Variants in GRAMD4 observed in about 807,000 individuals in gnomAD.
The protein encoded by GRAMD4 is GRAM domain containing 4, also known as GRAM domain-containing protein 4.
A neutral mutation model predicts 83.9 loss-of-function variants in GRAMD4; 25 were observed. The observed-to-expected ratio is 0.30, with a 90% CI of 0.22 to 0.42. The LOEUF (loss-of-function observed/expected upper bound fraction) is 0.42. GRAMD4 is among the 10% of genes least tolerant of loss of function. The pLI, the probability that GRAMD4 is intolerant of heterozygous loss-of-function variation, is 1.00. For synonymous variants in GRAMD4, 336 were observed against 320.9 expected (o/e 1.05, Z -0.50); for missense variants, 593 against 788.7 (o/e 0.75, Z 2.97).
At chr22:46,637,646 G>C (rs756248081) in intron 2 of GRAMD4, among the ~76,000 whole-genome samples, 194 bp from the exon 3 acceptor site, 1 of 152,174 alleles carries the variant, frequency 6.6e-6, no homozygotes, top group Non-Finnish European at 1.5e-5. Context: ...AGACAGACAC[G>C]GGTCTTATGC....
downstream of GRAMD4, among the ~76,000 whole-genome samples, chr22:46,680,848 A>G (rs1474948044): frequency 3.5e-5 from 3 of 85,696 alleles, no homozygotes; most frequent in African/African-American, 2.7e-4. Flanking sequence ...CCATCCATCC[A>G]TCTTTCCACC....
chr22:46,676,680 G>C lies in GRAMD4; in HGVS notation c.1632+12G>C, dbSNP rs1253023419. 1.0e-5 allele frequency: 16 copies of C among 1,547,182 alleles called. No individual in the cohort carries two copies. Among genetic ancestry groups the C allele is most frequent in the Non-Finnish European group, 1.1e-5 (13 of 1,146,724 alleles). On this transcript the variant is annotated intron_variant, in intron 18 of 18. Transcript: ENST00000406902. ...CATCCACCCAGAAAGTAGGTGCCGG[G>C]CGGGGGGCCGCCAAGGGGTTGGTGT...
Position 46,584,941 on chromosome 22 carries a change from C to T in GRAMD4, c.-50+7651C>T, listed in dbSNP as rs577064291. Among the ~76,000 whole-genome samples, 10 of 152,364 alleles carry T rather than the reference C, an allele frequency of 6.6e-5. No individual in the cohort carries two copies. In the South Asian group the frequency reaches 1.9e-3, roughly 28 times the overall value. Reference sequence around the variant, plus strand: ...AGCTCAGACAAATCTCCGACTCCATCCTGGCCAGGTCTGTCCCCTCTCTGC... The same window carrying T: ...AGCTCAGACAAATCTCCGACTCCATTCTGGCCAGGTCTGTCCCCTCTCTGC... On this transcript the variant is annotated intron_variant, in intron 1 of 1. Transcript: ENST00000431155.
At chr22:46,669,831 G>A (rs1569304226) in intron 13 of GRAMD4, among the ~76,000 whole-genome samples, 2 of 152,088 alleles carry the variant, frequency 1.3e-5, no homozygotes, top group Non-Finnish European at 2.9e-5. Flanking sequence ...TGCCCACCTC[G>A]GCCTCCCAAA....
chr22:46,649,216 T>C (rs1432442244), intron 3 of GRAMD4, among the ~76,000 whole-genome samples: 1 of 152,190 alleles, frequency 6.6e-6, no homozygotes, highest in African/African-American at 2.4e-5. Flanking sequence ...TGATTGCCCC[T>C]AGCCCACACT....
exon 1 of GRAMD4, chr22:46,577,260 GGATGAGAGTTGGCCCC>G (rs1428615229): frequency 2.0e-6 from 2 of 978,598 alleles, no homozygotes; most frequent in Non-Finnish European, 2.4e-6. Context: ...CGCGGCGGGT[GGATGAGAGTTGGCCCC>G]GATATCCGCT....
upstream of GRAMD4, among the ~76,000 whole-genome samples, chr22:46,616,734 G>A (rs1277405614): frequency 1.4e-5 from 2 of 141,804 alleles, no homozygotes; most frequent in Non-Finnish European, 1.5e-5. Context: ...AGGTTCCCCC[G>A]TGTGTGCAGG....
chr22:46,668,568 C>T, intron 11 of GRAMD4, 121 bp from the exon 12 acceptor site: 1 of 916,738 alleles, frequency 1.1e-6, no homozygotes, highest in Non-Finnish European at 1.8e-6. Flanking sequence ...AGCAGCCGGG[C>T]AGGACCACAG....
chr22:46,676,564 A>G (rs1360370000), intron 17 of GRAMD4, 36 bp from the exon 18 acceptor site: 1 of 1,538,376 alleles, frequency 6.5e-7, no homozygotes, highest in Non-Finnish European at 8.8e-7. Flanking sequence ...TGTCCCCAGG[A>G]GAGACCTGTG....
At chr22:46,669,902 C>T (rs1054200837) in intron 13 of GRAMD4, among the ~76,000 whole-genome samples, 1 of 152,146 alleles carries the variant, frequency 6.6e-6, no homozygotes, top group Non-Finnish European at 1.5e-5. Flanking sequence ...TTTGTCTTGT[C>T]TTGTTTCTTT....
chr22:46,629,419 C>G (rs2081731400), intron 2 of GRAMD4, among the ~76,000 whole-genome samples: 1 of 152,184 alleles, frequency 6.6e-6, no homozygotes, highest in Non-Finnish European at 1.5e-5. Flanking sequence ...TCGCTAAACC[C>G]TCCTCCTGGT....
At chr22:46,641,969 C>T (rs1035290952) in intron 3 of GRAMD4, among the ~76,000 whole-genome samples, 1 of 152,254 alleles carries the variant, frequency 6.6e-6, no homozygotes, top group African/African-American at 2.4e-5. Context: ...GTTGCATTCT[C>T]TTCTGAGAGC....
At position 46,614,108 on chromosome 22, in the gene GRAMD4, A is replaced by G. The variant is rs113362941; in HGVS notation, c.-49-12643A>G. ...AATACATTAACTTGCAGTTAGATCA[A>G]TTATGTTGAAAGCAAAGGCATTGAA... On this transcript the variant is annotated intron_variant, in intron 1 of 1. Transcript: ENST00000431155. 5.9e-5 allele frequency among the ~76,000 whole-genome samples: 9 copies of G among 152,344 alleles called. 1 individual carries two copies. Among genetic ancestry groups the G allele is most frequent in the African/African-American group, 2.2e-4 (9 of 41,580 alleles).
At chr22:46,588,976 G>A (rs1362560223) in intron 1 of GRAMD4, among the ~76,000 whole-genome samples, 1 of 152,172 alleles carries the variant, frequency 6.6e-6, no homozygotes, top group African/African-American at 2.4e-5. Flanking sequence ...GAGATGTCCT[G>A]TGCTGGCCCG....
At position 46,668,787 on chromosome 22, in the gene GRAMD4, G is replaced by A. The variant is rs944587462; in HGVS notation, c.975-12G>A. ...GGCGCCCGCCCGGCCTGAGCCTCCC[G>A]TCTCCTTCCAGCTTGTTCATGTGGG... is the stretch of plus-strand genomic sequence containing the variant. On this transcript the variant is annotated splice_polypyrimidine_tract_variant and intron_variant, in intron 12 of 18. Transcript: ENST00000406902. 9.4e-6 allele frequency: 15 copies of A among 1,602,028 alleles called. No homozygotes were observed. The highest frequency in any genetic ancestry group is 2.7e-5 in the African/African-American group (2 of 73,714).
At chr22:46,680,987 G>A (rs1181059210), downstream of GRAMD4, among the ~76,000 whole-genome samples, 1 of 123,806 alleles carries the variant, frequency 8.1e-6, no homozygotes, top group Non-Finnish European at 1.6e-5. Flanking sequence ...ACACAGCAGT[G>A]ATGGGCTAGG....
chr22:46,641,315 C>T (rs920293757), intron 3 of GRAMD4, among the ~76,000 whole-genome samples: 21 of 152,134 alleles, frequency 1.4e-4, no homozygotes, highest in African/African-American at 3.4e-4. Flanking sequence ...TCAGGTGATC[C>T]GCCTGTGTCA....
downstream of GRAMD4, among the ~76,000 whole-genome samples, chr22:46,680,582 C>CCACCCACCCACCCATT (rs2082657490): frequency 6.8e-6 from 1 of 147,570 alleles, no homozygotes; most frequent in African/African-American, 2.5e-5. Context: ...ATCCATCCAT[C>CCACCCACCCACCCATT]CATCCATCCA....
chr22:46,585,446 T>C (rs2081140359), intron 1 of GRAMD4, among the ~76,000 whole-genome samples: 3 of 152,160 alleles, frequency 2.0e-5, no homozygotes, highest in Admixed American at 2.0e-4. Context: ...TGCCTCCACC[T>C]CCCAAAGTGC....
Sources: allele counts gnomAD v4.1 joint callset (sites outside exome capture counted in the v4.1 genomes callset), GRCh38; gene constraint gnomAD v4.1.1; transcripts MANE v1.5; gene names NCBI Gene and HGNC (gene_info 2026-07-23, HGNC 2026-07-21).